The following SYT14 variants were observed in gnomAD, a reference collection of about 807,000 sequenced individuals.
SYT14 encodes synaptotagmin-14.
Under a neutral mutation model 74.2 loss-of-function variants are expected in SYT14, and 32 were observed. The observed-to-expected ratio is 0.43, with a 90% CI of 0.33 to 0.58. The LOEUF is 0.58. Among genes scored for constraint, SYT14 ranks in the 20% least tolerant of loss-of-function variants. The pLI is 0.05. For missense variants in SYT14, 791 were observed against 981.8 expected (o/e 0.81, Z 2.60); for synonymous variants, 298 against 337.7 (o/e 0.88, Z 1.29).
intron 5 of SYT14, among the ~76,000 whole-genome samples, chr1:210,082,149 T>C (rs1443737716): frequency 2.0e-5 from 3 of 152,192 alleles, no homozygotes; most frequent in East Asian, 1.9e-4. Flanking sequence ...ACTTGGAATA[T>C]GTGGGGTTAA....
At chr1:210,034,795 A>G (rs528436609) in intron 5 of SYT14, among the ~76,000 whole-genome samples, 3 of 152,008 alleles carry the variant, frequency 2.0e-5, no homozygotes, top group East Asian at 1.9e-4. Flanking sequence ...TGTTGCTGCA[A>G]AAGACATGAT....
intron 2 of SYT14, among the ~76,000 whole-genome samples, chr1:209,986,155 C>T (rs1474842705): frequency 6.6e-6 from 1 of 152,220 alleles, no homozygotes; most frequent in Non-Finnish European, 1.5e-5. Flanking sequence ...CCTTTCTTTT[C>T]TACCACAAGC....
intron 5 of SYT14, among the ~76,000 whole-genome samples, chr1:210,023,813 G>T (rs2080352578): frequency 1.3e-5 from 2 of 152,164 alleles, no homozygotes; most frequent in African/African-American, 4.8e-5. Context: ...GAATCCAAAA[G>T]AAAGTGTATT....
chr1:210,042,124 G>A (rs1345114115), intron 5 of SYT14, among the ~76,000 whole-genome samples: 1 of 151,970 alleles, frequency 6.6e-6, no homozygotes, highest in Non-Finnish European at 1.5e-5. Flanking sequence ...AGGGCTGAGT[G>A]GACCAAGGCC....
intron 1 of SYT14, among the ~76,000 whole-genome samples, chr1:209,949,571 C>CAAAA (rs34436607): frequency 8.5e-5 from 7 of 82,102 alleles, no homozygotes; most frequent in African/African-American, 1.8e-4. Flanking sequence ...GACTCCGTCT[C>CAAAA]AAAAAAAAAA....
At chr1:210,069,249 C>T (rs1412084817) in intron 5 of SYT14, among the ~76,000 whole-genome samples, 1 of 151,892 alleles carries the variant, frequency 6.6e-6, no homozygotes, top group Admixed American at 6.6e-5. Context: ...AGTATGCATT[C>T]TCTAATTCTT....
chr1:210,146,120 C>T (rs2083028154), intron 7 of SYT14, among the ~76,000 whole-genome samples: 1 of 152,022 alleles, frequency 6.6e-6, no homozygotes, highest in Non-Finnish European at 1.5e-5. Context: ...GGCAGGTCAC[C>T]TGAGGTCAGG....
At chr1:210,035,838 G>A (rs2080649725) in intron 5 of SYT14, among the ~76,000 whole-genome samples, 2 of 152,052 alleles carry the variant, frequency 1.3e-5, no homozygotes, top group South Asian at 2.1e-4. Flanking sequence ...GTCAGGTCAT[G>A]TAATGCTTCT....
At chr1:210,108,739 A>T (rs1572316993) in intron 7 of SYT14, among the ~76,000 whole-genome samples, 1 of 152,216 alleles carries the variant, frequency 6.6e-6, no homozygotes, top group Non-Finnish European at 1.5e-5. Flanking sequence ...TAAATGGTAG[A>T]TCATGAAATA....
intron 5 of SYT14, among the ~76,000 whole-genome samples, chr1:210,030,457 T>C (rs2102989250): frequency 6.6e-6 from 1 of 152,262 alleles, no homozygotes; most frequent in South Asian, 2.1e-4. Context: ...CCTGGTCTGA[T>C]TTGTTTATTA....
exon 5 of SYT14, chr1:210,021,122 TCCAGAA>T: frequency 6.2e-7 from 1 of 1,614,018 alleles, no homozygotes; most frequent in Non-Finnish European, 8.5e-7. Flanking sequence ...TGAGGCCTTA[TCCAGAA>T]CACACAATTC....
chr1:210,090,881 T>C (rs2081853800), intron 5 of SYT14, among the ~76,000 whole-genome samples: 1 of 150,462 alleles, frequency 6.6e-6, no homozygotes, highest in Non-Finnish European at 1.5e-5. Context: ...CATAACTATA[T>C]TTTTTAATGA....
chr1:210,084,943 C>T (rs2081692490), intron 5 of SYT14, among the ~76,000 whole-genome samples: 1 of 152,198 alleles, frequency 6.6e-6, no homozygotes, highest in African/African-American at 2.4e-5. Context: ...TAGTCTCTGC[C>T]TTTCTTTTGA....
At chr1:210,114,512 T>TA (rs201377799) in intron 7 of SYT14, among the ~76,000 whole-genome samples, 2,512 of 151,298 alleles carry the variant, frequency 0.017, 218 homozygotes, top group African/African-American at 0.058. Context: ...GATTGGGTAA[T>TA]AAAATGCATA....
intron 7 of SYT14, among the ~76,000 whole-genome samples, chr1:210,105,146 G>A (rs909761527): frequency 2.0e-5 from 3 of 152,146 alleles, no homozygotes; most frequent in African/African-American, 7.2e-5. Flanking sequence ...AAAACACTGA[G>A]GGTAGGGCCC....
At chr1:209,964,186 A>G (rs1325522821) in intron 2 of SYT14, among the ~76,000 whole-genome samples, 1 of 152,052 alleles carries the variant, frequency 6.6e-6, no homozygotes, top group Non-Finnish European at 1.5e-5. Context: ...CACGAGATCT[A>G]ATGGTTTTAT....
At chr1:210,133,992 G>T (rs1006043450) in intron 7 of SYT14, among the ~76,000 whole-genome samples, 4 of 151,916 alleles carry the variant, frequency 2.6e-5, no homozygotes, top group Non-Finnish European at 4.4e-5. Context: ...CTTTTGGCAG[G>T]ATTACAACAT....
At chr1:210,013,503 T>C in intron 2 of SYT14, 130 bp from the exon 3 acceptor site, 1 of 931,748 alleles carries the variant, frequency 1.1e-6, no homozygotes, top group Non-Finnish European at 1.6e-6. Context: ...ACGAAACTGT[T>C]TTTAAACTAT....
chr1:210,063,868 A>AT (rs1384296164), intron 5 of SYT14, among the ~76,000 whole-genome samples: 1 of 151,468 alleles, frequency 6.6e-6, no homozygotes, highest in South Asian at 2.1e-4. Context: ...TCTAATCTTA[A>AT]TTTTTTTTAG....
Sources: gnomAD v4.1 joint callset for allele counts (sites outside exome capture counted in the v4.1 genomes callset) on GRCh38, gnomAD v4.1.1 for gene constraint, MANE v1.5 for transcripts, NCBI Gene and HGNC (gene_info 2026-07-23, HGNC 2026-07-21) for gene names.